Variants in GRM5 observed in about 807,000 individuals in gnomAD.
GRM5 encodes the protein glutamate metabotropic receptor 5, also known as metabotropic glutamate receptor 5.
In GRM5, 19 loss-of-function variants were observed where a neutral mutation model predicts 83.1. The observed-to-expected ratio is 0.23, with a 90% CI of 0.16 to 0.34. The LOEUF is 0.34. Among genes scored for constraint, GRM5 ranks in the 10% least tolerant of loss-of-function variants. GRM5 has a pLI of 1.00. For missense variants in GRM5, 1,160 were observed against 1,588.3 expected, an observed-to-expected ratio of 0.73 and a Z score of 4.58; for synonymous variants, 675 against 633.6, an observed-to-expected ratio of 1.07 and a Z score of -0.98.
chr11:88,819,429 A>G (rs1166761844), intron 3 of GRM5, among the ~76,000 whole-genome samples: 1 of 152,228 alleles, frequency 6.6e-6, no homozygotes, highest in Non-Finnish European at 1.5e-5. Flanking sequence ...ATTAACATGT[A>G]GCTATTAATT....
intron 1 of GRM5, among the ~76,000 whole-genome samples, chr11:89,057,347 A>G (rs1400694228): frequency 7.7e-6 from 1 of 130,362 alleles, no homozygotes; most frequent in East Asian, 2.2e-4. Flanking sequence ...TGTCATTACT[A>G]TCTCAATCAC....
chr11:88,957,075 A>C (rs1260110200), intron 2 of GRM5, among the ~76,000 whole-genome samples: 4 of 152,242 alleles, frequency 2.6e-5, no homozygotes, highest in Non-Finnish European at 5.9e-5. Context: ...AAAATAGAAT[A>C]TACTATGCAA....
chr11:88,791,973 A>G (rs904365128), intron 3 of GRM5, among the ~76,000 whole-genome samples: 2 of 152,144 alleles, frequency 1.3e-5, no homozygotes, highest in African/African-American at 4.8e-5. Context: ...GGCATTGATC[A>G]GTGTACTACC....
In GRM5 at chr11:88,653,400, A is replaced by T; in HGVS notation, c.915T>A (p.Asp305Glu). ...TCACATCATACCTGTCAGCCCAGCCATCACTGTGGGGAAATAAAAAAACCC... is the reference window on the plus strand; with the variant it reads ...TCACATCATACCTGTCAGCCCAGCCTTCACTGTGGGGAAATAAAAAAACCC... ...LAGEFLLLGSDGWADRYDVTD... is the reference protein window; with the variant it reads ...LAGEFLLLGSEGWADRYDVTD... The change falls in exon 4 of 10, where the codon GAT (aspartate) becomes GAA (glutamate). Residue 305 changes from aspartate to glutamate, a missense_variant. This residue lies in a region of GRM5 where 84 missense variants were observed against 231.0 expected (regional missense o/e 0.36). Coordinates refer to ENST00000305447, the MANE Select transcript of GRM5 (RefSeq NM_001143831.3). 6.2e-7 allele frequency: 1 copy of T among 1,606,732 alleles called. No individual in the cohort carries two copies. Among genetic ancestry groups the T allele is most frequent in the Non-Finnish European group, 8.5e-7 (1 of 1,173,846 alleles).
intron 2 of GRM5, among the ~76,000 whole-genome samples, chr11:89,023,148 T>TGTGC (rs1217027819): frequency 2.0e-5 from 3 of 147,166 alleles, no homozygotes; most frequent in African/African-American, 8.0e-5. Flanking sequence ...AGAGTGTGTG[T>TGTGC]GTGTGTGTGT....
intron 2 of GRM5, among the ~76,000 whole-genome samples, chr11:88,856,475 A>G (rs1366013053): frequency 6.6e-6 from 1 of 152,088 alleles, no homozygotes; most frequent in Non-Finnish European, 1.5e-5. Context: ...ATCCCCTATG[A>G]TAACAATGCC....
At chr11:88,898,321 T>G (rs1170889004) in intron 2 of GRM5, among the ~76,000 whole-genome samples, 2 of 152,002 alleles carry the variant, frequency 1.3e-5, no homozygotes, top group Non-Finnish European at 2.9e-5. Context: ...ATGTTTAACT[T>G]GATTGACTCT....
chr11:88,757,515 C>A (rs1398313530), intron 3 of GRM5, among the ~76,000 whole-genome samples: 1 of 152,062 alleles, frequency 6.6e-6, no homozygotes, highest in Non-Finnish European at 1.5e-5. Flanking sequence ...GTGGAACCAC[C>A]CCTGCCTGCT....
intron 3 of GRM5, among the ~76,000 whole-genome samples, chr11:88,834,474 T>C (rs1944055834): frequency 6.6e-6 from 1 of 152,210 alleles, no homozygotes; most frequent in Admixed American, 6.5e-5. Flanking sequence ...GACTGAATGA[T>C]ATCTAATCAA....
chr11:88,570,576 T>TATATATATA (rs1942975222), intron 7 of GRM5, among the ~76,000 whole-genome samples: 1 of 68,726 alleles, frequency 1.5e-5, no homozygotes, highest in African/African-American at 6.6e-5. Context: ...TATATATTTT[T>TATATATATA]TTTTTTTTTT....
At chr11:88,584,064 T>C (rs1213148942) in intron 7 of GRM5, among the ~76,000 whole-genome samples, 1 of 152,190 alleles carries the variant, frequency 6.6e-6, no homozygotes, top group Non-Finnish European at 1.5e-5. Context: ...TCTTATCTTT[T>C]AGTGTTAAAT....
chr11:88,784,612 C>T (rs77833474), intron 3 of GRM5, among the ~76,000 whole-genome samples: 87 of 152,100 alleles, frequency 5.7e-4, no homozygotes, highest in Middle Eastern at 6.8e-3. Flanking sequence ...TGTTCTTCAT[C>T]GGTGTATTCT....
chr11:88,570,571 A>ATATATATTTTT lies in GRM5; in HGVS notation c.1691-2580_1691-2579insAAAAATATATA, dbSNP rs1405339448. Among the ~76,000 whole-genome samples the ATATATATTTTT allele has an allele frequency of 1.7e-4, 8 of 46,376 alleles. 1 individual carries two copies. Among genetic ancestry groups the ATATATATTTTT allele is most frequent in the African/African-American group, 1.1e-3 (8 of 7,486 alleles). The allele number at this position is 46,376 out of a possible 152,430, so 30.4% of individuals were successfully genotyped here. A position where few individuals can be genotyped will look rare whatever the true frequency, so the allele number is the denominator to read the frequency against. On this transcript the variant is annotated intron_variant, in intron 7 of 9. Transcript: ENST00000305447. ...TAATAATATATATATATATATATATATTTTTTTTTTTTTTTTTTTTTTTTT... is the reference window on the plus strand; with the variant it reads ...TAATAATATATATATATATATATATATATATATTTTTTTTTTTTTTTTTTTTTTTTTTTTTT...
chr11:88,614,715 C>T (rs1299542614), intron 4 of GRM5, among the ~76,000 whole-genome samples: 3 of 152,044 alleles, frequency 2.0e-5, no homozygotes, highest in African/African-American at 7.2e-5. Flanking sequence ...TGATATGTGC[C>T]TAAGCACTAC....
At chr11:88,561,396 G>A (rs1942751353) in intron 8 of GRM5, among the ~76,000 whole-genome samples, 1 of 152,148 alleles carries the variant, frequency 6.6e-6, no homozygotes, top group South Asian at 2.1e-4. Flanking sequence ...AATCCCAGGG[G>A]AGGGTTTTGA....
intron 3 of GRM5, among the ~76,000 whole-genome samples, chr11:88,683,931 G>A (rs1260059748): frequency 6.6e-6 from 1 of 152,170 alleles, no homozygotes; most frequent in Non-Finnish European, 1.5e-5. Context: ...AGTAAAATGC[G>A]ATGGAGTAGA....
At chr11:88,523,040 A>G (rs992542299) in intron 9 of GRM5, 1 of 152,184 alleles carries the variant, frequency 6.6e-6, no homozygotes, top group Non-Finnish European at 1.5e-5. Flanking sequence ...CTCAATTAAG[A>G]CAGCCTTGAG....
At chr11:88,901,579 G>A (rs536964336) in intron 2 of GRM5, among the ~76,000 whole-genome samples, 1 of 152,256 alleles carries the variant, frequency 6.6e-6, no homozygotes, top group East Asian at 1.9e-4. Flanking sequence ...CAAAGACCTA[G>A]GCTATGCCCC....
chr11:88,834,171 T>C (rs1274639120), intron 3 of GRM5, among the ~76,000 whole-genome samples: 1 of 152,056 alleles, frequency 6.6e-6, no homozygotes, highest in Non-Finnish European at 1.5e-5. Flanking sequence ...ATACTGTAAA[T>C]ACCCTAACCC....
Sources: gnomAD v4.1 joint callset for allele counts (sites outside exome capture counted in the v4.1 genomes callset) on GRCh38, gnomAD v4.1.1 for gene constraint, gnomAD v4.1.1 regional missense constraint, MANE v1.5 for transcripts, NCBI Gene and HGNC (gene_info 2026-07-23, HGNC 2026-07-21) for gene names.